The following GTF2IRD1 variants were observed in gnomAD, a reference collection of about 807,000 sequenced individuals.
GTF2IRD1 encodes general transcription factor II-I repeat domain-containing protein 1.
GTF2IRD1 carries 26 observed loss-of-function variants against 113.2 expected under a neutral mutation model. That is an observed-to-expected ratio of 0.23 (90% CI 0.17 to 0.32). The LOEUF is 0.32. GTF2IRD1 is among the 10% of genes least tolerant of loss of function. The pLI is 1.00. For synonymous variants in GTF2IRD1, 484 were observed against 529.1 expected, an observed-to-expected ratio of 0.91 and a Z score of 1.17; for missense variants, 864 against 1,280.8, an observed-to-expected ratio of 0.67 and a Z score of 4.97.
At chr7:74,515,271 G>T in intron 3 of GTF2IRD1, 170 bp from the exon 4 acceptor site, 4 of 1,379,992 alleles carry the variant, frequency 2.9e-6, no homozygotes, top group Non-Finnish European at 3.9e-6. Flanking sequence ...CCTCAGTGGG[G>T]TGGTTGGAAT....
intron 26 of GTF2IRD1, 73 bp from the exon 27 acceptor site, chr7:74,602,292 G>A (rs1019931696): frequency 1.3e-6 from 2 of 1,526,400 alleles, no homozygotes; most frequent in East Asian, 4.7e-5. Context: ...TCTTCCAAAA[G>A]CAGAACTAAG....
chr7:74,554,333 T>C (rs1425930402), intron 17 of GTF2IRD1, among the ~76,000 whole-genome samples: 1 of 152,132 alleles, frequency 6.6e-6, no homozygotes, highest in Non-Finnish European at 1.5e-5. Flanking sequence ...TCAGAAGCAG[T>C]GCTGTATGAC....
chr7:74,547,017 GC>G (rs111796346), intron 16 of GTF2IRD1, 85 bp from the exon 17 acceptor site: 12 of 1,247,292 alleles, frequency 9.6e-6, no homozygotes, highest in South Asian at 1.4e-5. Flanking sequence ...TGGCAGCTTT[GC>G]CCCCCGACAC....
At chr7:74,527,823 A>G (rs1797695368) in intron 8 of GTF2IRD1, among the ~76,000 whole-genome samples, 1 of 152,224 alleles carries the variant, frequency 6.6e-6, no homozygotes, top group South Asian at 2.1e-4. Flanking sequence ...CCTGGGCAAC[A>G]GAGCAAGACT....
intron 1 of GTF2IRD1, chr7:74,507,495 T>A (rs60204660): frequency 0.077 from 11,698 of 151,856 alleles, 1,387 homozygotes; most frequent in African/African-American, 0.26. Context: ...ATTTAAAATT[T>A]AAAAAAGCTT....
At chr7:74,573,971 T>G (rs190393999) in intron 22 of GTF2IRD1, among the ~76,000 whole-genome samples, 52 of 152,136 alleles carry the variant, frequency 3.4e-4, no homozygotes, top group African/African-American at 1.2e-3. Flanking sequence ...TCATTATTCT[T>G]TTTGTTTGTT....
chr7:74,493,806 C>T (rs374814157), intron 1 of GTF2IRD1, among the ~76,000 whole-genome samples: 10 of 151,722 alleles, frequency 6.6e-5, no homozygotes, highest in African/African-American at 2.4e-4. Context: ...GCAGCCTTGA[C>T]CTCCTGGGCT....
chr7:74,586,220 G>C (rs1214589610), intron 22 of GTF2IRD1, among the ~76,000 whole-genome samples: 3 of 152,200 alleles, frequency 2.0e-5, no homozygotes, highest in African/African-American at 7.2e-5. Context: ...TTCCCTGCAG[G>C]CTCTAGGAGC....
intron 8 of GTF2IRD1, 89 bp from the exon 9 acceptor site, chr7:74,529,645 G>A: frequency 9.6e-7 from 1 of 1,045,296 alleles, no homozygotes; most frequent in Non-Finnish European, 1.4e-6. Context: ...AGTGGGGACG[G>A]TGGGAGGTGA....
chr7:74,463,184 G>A (rs1383651984), intron 1 of GTF2IRD1, among the ~76,000 whole-genome samples: 1 of 152,146 alleles, frequency 6.6e-6, no homozygotes, highest in Non-Finnish European at 1.5e-5. Flanking sequence ...AGGATCAAAC[G>A]GAACAGGGCT....
chr7:74,500,036 A>G (rs571975279), intron 1 of GTF2IRD1, among the ~76,000 whole-genome samples: 2 of 152,344 alleles, frequency 1.3e-5, no homozygotes, highest in Non-Finnish European at 2.9e-5. Flanking sequence ...TGGAGAGTGA[A>G]AAAAGCCTGA....
chr7:74,599,330 C>A (rs1276630827), intron 25 of GTF2IRD1, among the ~76,000 whole-genome samples: 1 of 152,146 alleles, frequency 6.6e-6, no homozygotes. Context: ...ATGCAGTAAT[C>A]CATCCAATCA....
intron 2 of GTF2IRD1, among the ~76,000 whole-genome samples, chr7:74,508,564 G>A (rs968751133): frequency 1.3e-5 from 2 of 151,910 alleles, no homozygotes; most frequent in African/African-American, 2.4e-5. Flanking sequence ...GGTGGCATGC[G>A]CCTGTAATCC....
intron 9 of GTF2IRD1, among the ~76,000 whole-genome samples, chr7:74,530,586 TAAAA>T (rs58675988): frequency 7.7e-5 from 3 of 38,950 alleles, no homozygotes; most frequent in African/African-American, 1.1e-4. Context: ...CCCTGTTTCT[TAAAA>T]AAAAAAAAAA....
intron 22 of GTF2IRD1, among the ~76,000 whole-genome samples, chr7:74,579,620 GAAAAA>G (rs35170472): frequency 7.4e-6 from 1 of 134,370 alleles, no homozygotes. Context: ...TCCATCTTAA[GAAAAA>G]AAAAAAAAAA....
At chr7:74,501,919 T>A (rs1554339637) in intron 1 of GTF2IRD1, among the ~76,000 whole-genome samples, 3 of 152,130 alleles carry the variant, frequency 2.0e-5, no homozygotes. Flanking sequence ...CCCAAAATGC[T>A]GGGATTACAG....
intron 17 of GTF2IRD1, among the ~76,000 whole-genome samples, chr7:74,548,213 C>T (rs587651929): frequency 1.3e-5 from 2 of 151,498 alleles, no homozygotes; most frequent in East Asian, 2.0e-4. Context: ...GTCAGGAGAT[C>T]GAGACCATCC....
chr7:74,504,283 T>G (rs1796187384), intron 1 of GTF2IRD1, among the ~76,000 whole-genome samples: 1 of 152,168 alleles, frequency 6.6e-6, no homozygotes. Context: ...ATTTGGGATA[T>G]TTCTCTTCCT....
intron 17 of GTF2IRD1, among the ~76,000 whole-genome samples, chr7:74,553,052 G>A (rs1799403418): frequency 6.6e-6 from 1 of 152,106 alleles, no homozygotes; most frequent in African/African-American, 2.4e-5. Flanking sequence ...TGGTCAGGCT[G>A]GTCTCGAACT....
Sources: allele counts gnomAD v4.1 joint callset (sites outside exome capture counted in the v4.1 genomes callset), GRCh38; gene constraint gnomAD v4.1.1; transcripts MANE v1.5; gene names NCBI Gene and HGNC (gene_info 2026-07-23, HGNC 2026-07-21).